Variants in SPACA6 observed in about 807,000 individuals in gnomAD.
SPACA6 encodes the protein sperm acrosome membrane-associated protein 6.
For synonymous variants in SPACA6, 6 were observed against 1.5 expected (o/e 4.05, Z -2.21); for missense variants, 8 against 2.8 (o/e 2.88, Z -1.34).
intron 2 of SPACA6, among the ~76,000 whole-genome samples, chr19:51,710,357 A>G (rs2122237253): frequency 6.6e-6 from 1 of 152,312 alleles, no homozygotes; most frequent in East Asian, 1.9e-4. Flanking sequence ...CATGAATGGG[A>G]AAAAAATGTT....
upstream of SPACA6, chr19:51,687,237 G>A (rs887840247): frequency 6.6e-6 from 1 of 151,316 alleles, no homozygotes; most frequent in Non-Finnish European, 1.5e-5. Flanking sequence ...ACTCCAGCCT[G>A]GGCAATCCGT....
At chr19:51,692,876 A>G (rs1263458920), upstream of SPACA6, 2 of 534,138 alleles carry the variant, frequency 3.7e-6, no homozygotes, top group South Asian at 2.8e-5. The surrounding 1 kb of genome is among the most constrained non-coding windows in gnomAD (Gnocchi z 5.6). Context: ...TGCGCCCTGC[A>G]CGGGACGGGG....
In SPACA6 at chr19:51,710,886, C is replaced by T. The variant is rs558296601; in HGVS notation, n.200-1147C>T. On this transcript the variant is annotated intron_variant and non_coding_transcript_variant, in intron 2 of 2. Coordinates refer to the SPACA6 transcript ENST00000573896. ...CTTGAGGTCACGAGTTTGAGACCAGCCTGGCCAACATGGTGAAACCCTGTC... is the reference window on the plus strand; with the variant it reads ...CTTGAGGTCACGAGTTTGAGACCAGTCTGGCCAACATGGTGAAACCCTGTC... 6.0e-4 allele frequency among the ~76,000 whole-genome samples: 92 copies of T among 152,282 alleles called. 1 individual carries two copies. Among genetic ancestry groups the T allele is most frequent in the African/African-American group, 2.1e-3 (87 of 41,554 alleles).
At chr19:51,700,827 T>C (rs1190769165) in intron 2 of SPACA6, among the ~76,000 whole-genome samples, 1 of 152,240 alleles carries the variant, frequency 6.6e-6, no homozygotes, top group East Asian at 1.9e-4. Flanking sequence ...TGGTTAGATT[T>C]GTGGTGATGG....
chr19:51,690,445 C>A (rs1032759900), upstream of SPACA6, among the ~76,000 whole-genome samples: 1 of 152,274 alleles, frequency 6.6e-6, no homozygotes, highest in South Asian at 2.1e-4. Context: ...TCCCCAGGCC[C>A]CTCCTCCTCC....
At chr19:51,691,977 G>A (rs896382934), upstream of SPACA6, among the ~76,000 whole-genome samples, 1 of 152,162 alleles carries the variant, frequency 6.6e-6, no homozygotes, top group Admixed American at 6.5e-5. Context: ...AGGGCACCTC[G>A]CTCTCTGGAG....
downstream of SPACA6, among the ~76,000 whole-genome samples, chr19:51,709,614 CAAA>C (rs56844884): frequency 2.1e-5 from 2 of 93,172 alleles, no homozygotes; most frequent in African/African-American, 4.3e-5. Flanking sequence ...GACTCTGTCA[CAAA>C]AAAAAAAAAA....
upstream of SPACA6, among the ~76,000 whole-genome samples, chr19:51,688,937 G>GGAGGGAGAGAGGGAGA (rs112214384): frequency 1.4e-4 from 21 of 147,356 alleles, no homozygotes; most frequent in East Asian, 6.4e-4. Context: ...GAGAAGGGAG[G>GGAGGGAGAGAGGGAGA]GAGGGAGAGA....
chr19:51,684,717 A>T (rs145027438), upstream of SPACA6, among the ~76,000 whole-genome samples: 1 of 152,202 alleles, frequency 6.6e-6, no homozygotes, highest in Non-Finnish European at 1.5e-5. Flanking sequence ...GCTTAAAAAA[A>T]TTTGCAAAAA....
intron 4 of SPACA6, 145 bp downstream of exon 4, chr19:51,702,797 G>A (rs1282894928): frequency 1.0e-5 from 4 of 398,654 alleles, no homozygotes; most frequent in African/African-American, 2.1e-5. Flanking sequence ...AGAAAACCAA[G>A]TATTGCTCTA....
At chr19:51,707,643 T>G (rs2122234010), downstream of SPACA6, among the ~76,000 whole-genome samples, 1 of 152,294 alleles carries the variant, frequency 6.6e-6, no homozygotes, top group East Asian at 1.9e-4. Context: ...TATAATTCAT[T>G]TAATTCTAAA....
chr19:51,693,559 G>C lies in SPACA6; in HGVS notation c.33G>C (p.Pro11=), dbSNP rs11881781. Residue 11 remains proline (P), a synonymous_variant, in exon 1 of 9, where the codon CCG becomes CCC. Coordinates refer to ENST00000637797, the MANE Select transcript of SPACA6 (RefSeq NM_001316972.2). ...TGCTGGCTCTGGCCAGTGCCGTCCC[G>C]TCTGCCCTGCTGGCCCTGGCTGTCT... MALLALASAV[P]SALLALAVFR... 63,509 of 453,662 alleles carry C rather than the reference G, an allele frequency of 0.14. 4,979 individuals are homozygous for C. The highest frequency in any genetic ancestry group is 0.17 in the South Asian group (3,058 of 18,032). The allele number at this position is 453,662 out of a possible 1,614,324, so 28.1% of individuals were successfully genotyped here.
At chr19:51,691,323 G>A (rs1232174476), upstream of SPACA6, among the ~76,000 whole-genome samples, 4 of 151,518 alleles carry the variant, frequency 2.6e-5, no homozygotes, top group African/African-American at 9.7e-5. Flanking sequence ...GAGAGCAGGA[G>A]ACGGAGGTGA....
At chr19:51,693,941 A>G in intron 1 of SPACA6, 1 of 382,868 alleles carries the variant, frequency 2.6e-6, no homozygotes, top group Non-Finnish European at 4.6e-6. Context: ...CAGAGAGGGG[A>G]GGATGGAGAG....
intron 2 of SPACA6, among the ~76,000 whole-genome samples, chr19:51,700,379 C>T (rs1324718431): frequency 2.6e-5 from 4 of 152,182 alleles, no homozygotes; most frequent in Admixed American, 6.5e-5. Context: ...AAGGGAGTGA[C>T]TGCTACCCAT....
chr19:51,701,351 C>T (rs76984639), intron 2 of SPACA6, among the ~76,000 whole-genome samples: 1 of 152,102 alleles, frequency 6.6e-6, no homozygotes, highest in Non-Finnish European at 1.5e-5. Flanking sequence ...CCCTTCTCCC[C>T]CCAACAAGCT....
chr19:51,685,163 G>A (rs1358333269), upstream of SPACA6, among the ~76,000 whole-genome samples: 1 of 152,204 alleles, frequency 6.6e-6, no homozygotes, highest in African/African-American at 2.4e-5. Flanking sequence ...ACCTTGTGAA[G>A]GGTAGGAAGT....
At chr19:51,689,746 G>A (rs2083353607), upstream of SPACA6, among the ~76,000 whole-genome samples, 2 of 151,798 alleles carry the variant, frequency 1.3e-5, no homozygotes, top group South Asian at 4.2e-4. Flanking sequence ...GAAGGAGGGG[G>A]CTGGGACCTG....
intron 7 of SPACA6, 30 bp downstream of exon 7, chr19:51,704,216 CG>C (rs1041267189): frequency 7.5e-6 from 3 of 400,686 alleles, no homozygotes; most frequent in African/African-American, 6.2e-5. Context: ...CGTGAGTGAG[CG>C]GGGTCGGGAG....
Sources: gnomAD v4.1 joint callset for allele counts (sites outside exome capture counted in the v4.1 genomes callset) on GRCh38, gnomAD v4.1.1 for gene constraint, Gnocchi (gnomAD v3.1) non-coding constraint, MANE v1.5 for transcripts, NCBI Gene and HGNC (gene_info 2026-07-23, HGNC 2026-07-21) for gene names.